The following UBE2E2 variants were observed in gnomAD, a reference collection of about 807,000 sequenced individuals.
The protein encoded by UBE2E2 is ubiquitin conjugating enzyme E2 E2.
UBE2E2 carries 6 observed loss-of-function variants against 24.7 expected under a neutral mutation model. That is an observed-to-expected ratio of 0.24 (90% CI 0.13 to 0.48). The LOEUF is 0.48. Among genes scored for constraint, UBE2E2 ranks in the 20% least tolerant of loss-of-function variants. The probability of loss-of-function intolerance (pLI) is 0.99; values close to 1 mark genes in which losing one functional copy is unlikely to be tolerated. For missense variants in UBE2E2, 169 were observed against 245.0 expected (o/e 0.69, Z 2.07); for synonymous variants, 104 against 83.6 (o/e 1.24, Z -1.33).
At chr3:23,277,819 G>C (rs1159223259) in intron 3 of UBE2E2, among the ~76,000 whole-genome samples, 3 of 152,060 alleles carry the variant, frequency 2.0e-5, no homozygotes, top group Non-Finnish European at 2.9e-5. Flanking sequence ...TTGATGTGCT[G>C]AGAATCCCTA....
intron 5 of UBE2E2, among the ~76,000 whole-genome samples, chr3:23,538,281 T>C (rs1695312293): frequency 6.6e-6 from 1 of 152,156 alleles, no homozygotes; most frequent in African/African-American, 2.4e-5. Flanking sequence ...TTGTCTTCTG[T>C]CAACTTCTGT....
intron 3 of UBE2E2, among the ~76,000 whole-genome samples, chr3:23,497,370 C>T (rs1344800523): frequency 6.6e-6 from 1 of 152,174 alleles, no homozygotes; most frequent in Non-Finnish European, 1.5e-5. Context: ...GAGAGATGAA[C>T]TGCTCATGCA....
intron 2 of UBE2E2, among the ~76,000 whole-genome samples, chr3:23,213,973 T>C (rs747416547): frequency 7.2e-4 from 110 of 152,286 alleles, no homozygotes; most frequent in Non-Finnish European, 1.1e-3. Flanking sequence ...ACTTAATACA[T>C]ACCATAATCA....
intron 3 of UBE2E2, among the ~76,000 whole-genome samples, chr3:23,350,410 A>G (rs1266049945): frequency 6.6e-6 from 1 of 152,248 alleles, no homozygotes; most frequent in African/African-American, 2.4e-5. Flanking sequence ...AGTTGAGAGA[A>G]GAAGGCTTCA....
intron 3 of UBE2E2, among the ~76,000 whole-genome samples, chr3:23,454,481 T>C (rs1698631243): frequency 6.6e-6 from 1 of 152,212 alleles, no homozygotes; most frequent in African/African-American, 2.4e-5. Flanking sequence ...TCTCATCTGC[T>C]ACCTTGTATC....
At chr3:23,436,541 A>G (rs189980461) in intron 3 of UBE2E2, among the ~76,000 whole-genome samples, 2 of 150,660 alleles carry the variant, frequency 1.3e-5, no homozygotes, top group Admixed American at 1.3e-4. Flanking sequence ...TATAAGTTCT[A>G]ATTATATCTT....
chr3:23,236,354 C>T (rs998761139), intron 3 of UBE2E2, among the ~76,000 whole-genome samples: 8 of 152,060 alleles, frequency 5.3e-5, no homozygotes, highest in African/African-American at 1.2e-4. Context: ...TTCATATTAC[C>T]TACTCAACCA....
chr3:23,435,182 C>G (rs1183016217), intron 3 of UBE2E2, among the ~76,000 whole-genome samples: 1 of 152,098 alleles, frequency 6.6e-6, no homozygotes, highest in African/African-American at 2.4e-5. Flanking sequence ...CACTTGAAAT[C>G]AATAGTAATA....
At chr3:23,255,098 T>G (rs2125348944) in intron 3 of UBE2E2, among the ~76,000 whole-genome samples, 1 of 126,434 alleles carries the variant, frequency 7.9e-6, no homozygotes, top group South Asian at 2.8e-4. Context: ...TTTTTTTTTT[T>G]TTTTTTGAGA....
chr3:23,243,815 TAAGTA>T (rs1467885317), intron 3 of UBE2E2, among the ~76,000 whole-genome samples: 1 of 152,058 alleles, frequency 6.6e-6, no homozygotes, highest in African/African-American at 2.4e-5. Context: ...TTAAAATATT[TAAGTA>T]TAGTAGGAAG....
At chr3:23,226,381 A>G (rs755542572) in intron 3 of UBE2E2, among the ~76,000 whole-genome samples, 1 of 152,152 alleles carries the variant, frequency 6.6e-6, no homozygotes, top group African/African-American at 2.4e-5. Context: ...TTATTGTAAT[A>G]TTTGTACAGC....
At chr3:23,395,836 A>G (rs1697060134) in intron 3 of UBE2E2, among the ~76,000 whole-genome samples, 1 of 152,198 alleles carries the variant, frequency 6.6e-6, no homozygotes, top group Admixed American at 6.5e-5. Context: ...TTTCAGAGCA[A>G]AAGGAAAGAC....
intron 4 of UBE2E2, among the ~76,000 whole-genome samples, chr3:23,530,400 G>A (rs1695095347): frequency 6.6e-6 from 1 of 152,010 alleles, no homozygotes; most frequent in South Asian, 2.1e-4. Context: ...TTTTTACTTT[G>A]TATACTTTTG....
intron 3 of UBE2E2, among the ~76,000 whole-genome samples, chr3:23,355,903 T>C (rs572977420): frequency 1.3e-5 from 2 of 152,352 alleles, no homozygotes; most frequent in South Asian, 4.1e-4. Flanking sequence ...TTATATCTCT[T>C]ACGTAAATCA....
intron 3 of UBE2E2, chr3:23,270,896 C>T (rs929624768): frequency 4.8e-5 from 22 of 456,016 alleles, no homozygotes; most frequent in Admixed American, 7.1e-5. Flanking sequence ...CGATAATTGT[C>T]TAACATTTAT....
chr3:23,529,943 T>C (rs898072368), intron 4 of UBE2E2, among the ~76,000 whole-genome samples: 1 of 152,222 alleles, frequency 6.6e-6, no homozygotes, highest in African/African-American at 2.4e-5. Flanking sequence ...GATTTCTCTT[T>C]TACAACTGTT....
intron 4 of UBE2E2, among the ~76,000 whole-genome samples, chr3:23,503,351 G>T (rs981540590): frequency 7.0e-6 from 1 of 142,962 alleles, no homozygotes; most frequent in African/African-American, 3.0e-5. Context: ...CACCACACTC[G>T]GCCTATTTTT....
chr3:23,371,353 G>A (rs916480027), intron 3 of UBE2E2, among the ~76,000 whole-genome samples: 1 of 152,044 alleles, frequency 6.6e-6, no homozygotes, highest in African/African-American at 2.4e-5. Context: ...TTTAATAGAT[G>A]TTTTTGAGTT....
At chr3:23,229,003 G>A (rs930127074) in intron 3 of UBE2E2, among the ~76,000 whole-genome samples, 1 of 152,104 alleles carries the variant, frequency 6.6e-6, no homozygotes, top group African/African-American at 2.4e-5. Flanking sequence ...CTTGAATCCA[G>A]CATCCCCCTC....
Sources: gnomAD v4.1 joint callset for allele counts (sites outside exome capture counted in the v4.1 genomes callset) on GRCh38, gnomAD v4.1.1 for gene constraint, MANE v1.5 for transcripts, NCBI Gene and HGNC (gene_info 2026-07-23, HGNC 2026-07-21) for gene names.